ASTN2: variants seen among roughly 807,000 people sequenced by gnomAD.
The protein encoded by ASTN2 is astrotactin 2.
A neutral mutation model predicts 139.8 loss-of-function variants in ASTN2; 54 were observed. The observed-to-expected ratio is 0.39, with a 90% CI of 0.31 to 0.48. ASTN2 has a LOEUF of 0.48. Among genes scored for constraint, ASTN2 ranks in the 20% least tolerant of loss-of-function variants. The pLI, the probability that ASTN2 is intolerant of heterozygous loss-of-function variation, is 0.95. For missense variants in ASTN2, 1,565 were observed against 1,725.1 expected (o/e 0.91, Z 1.64); for synonymous variants, 756 against 719.5 (o/e 1.05, Z -0.81).
chr9:116,800,500 C>T (rs1830818853), intron 13 of ASTN2, among the ~76,000 whole-genome samples: 1 of 152,160 alleles, frequency 6.6e-6, no homozygotes. Context: ...ATGCAGTGAC[C>T]TGAAGAGGTA....
intron 13 of ASTN2, among the ~76,000 whole-genome samples, chr9:116,759,886 C>A (rs756937634): frequency 6.6e-6 from 1 of 152,082 alleles, no homozygotes; most frequent in Non-Finnish European, 1.5e-5. Context: ...CTGCTCAGCA[C>A]GTATTTATGA....
At chr9:117,039,014 A>G (rs1838474399) in intron 6 of ASTN2, among the ~76,000 whole-genome samples, 1 of 152,214 alleles carries the variant, frequency 6.6e-6, no homozygotes, top group Non-Finnish European at 1.5e-5. Flanking sequence ...AAACTCATAC[A>G]GTCTTCCTTG....
intron 17 of ASTN2, among the ~76,000 whole-genome samples, chr9:116,625,798 T>A (rs1856422044): frequency 6.6e-6 from 1 of 152,118 alleles, no homozygotes; most frequent in Non-Finnish European, 1.5e-5. Flanking sequence ...AAGTGCCCTT[T>A]TTCCACTTCT....
intron 16 of ASTN2, among the ~76,000 whole-genome samples, chr9:116,722,823 C>T (rs541902394): frequency 5.5e-4 from 84 of 152,266 alleles, no homozygotes; most frequent in African/African-American, 1.9e-3. Context: ...GTTAAAATGA[C>T]ACTTACAGGA....
chr9:117,237,818 A>T (rs1833089834), intron 2 of ASTN2, among the ~76,000 whole-genome samples: 1 of 152,162 alleles, frequency 6.6e-6, no homozygotes, highest in Non-Finnish European at 1.5e-5. Context: ...TGCCATGCTC[A>T]CAGTGTTTCA....
rs565913155 is a variant in ASTN2 at position 116,589,331 on chromosome 9, G to A, written c.3355+28993C>T. ...TGATCATGTAGACAACTTCAAAATG[G>A]AGTACAAACATTTACTTTGATGAAT... On this transcript the variant is annotated intron_variant, in intron 19 of 22. Transcript: ENST00000313400. Among the ~76,000 whole-genome samples the A allele has an allele frequency of 5.9e-5, 9 of 152,302 alleles. No individual in the cohort carries two copies. In the South Asian group the frequency reaches 1.9e-3, roughly 32 times the overall value.
chr9:116,533,077 T>G (rs187072895), intron 19 of ASTN2, among the ~76,000 whole-genome samples: 1 of 152,230 alleles, frequency 6.6e-6, no homozygotes, highest in African/African-American at 2.4e-5. Context: ...TTCCTTCACA[T>G]CCCTTGTAAG....
intron 3 of ASTN2, among the ~76,000 whole-genome samples, chr9:117,195,627 C>G (rs548016222): frequency 3.3e-5 from 5 of 152,094 alleles, no homozygotes; most frequent in Non-Finnish European, 5.9e-5. Context: ...TAGGCTAGAG[C>G]CTCATTGTGA....
intron 1 of ASTN2, among the ~76,000 whole-genome samples, chr9:117,326,162 TTC>T (rs1424377286): frequency 6.6e-6 from 1 of 152,070 alleles, no homozygotes; most frequent in Non-Finnish European, 1.5e-5. Context: ...CTTTGGAAAC[TTC>T]TCTGTTTTTT....
intron 22 of ASTN2, among the ~76,000 whole-genome samples, chr9:116,435,842 T>C (rs1033096007): frequency 1.3e-5 from 2 of 152,226 alleles, no homozygotes; most frequent in Non-Finnish European, 2.9e-5. Flanking sequence ...ATTGGATTTT[T>C]TGGAATGTTA....
At chr9:117,234,310 C>T (rs761627836) in intron 2 of ASTN2, among the ~76,000 whole-genome samples, 40 of 152,176 alleles carry the variant, frequency 2.6e-4, no homozygotes, top group African/African-American at 4.1e-4. Context: ...ACAATACAGA[C>T]GTGCTTGGCA....
chr9:116,708,428 A>C (rs768358704), intron 16 of ASTN2, among the ~76,000 whole-genome samples: 6 of 152,226 alleles, frequency 3.9e-5, no homozygotes, highest in Non-Finnish European at 5.9e-5. Context: ...AAAGGGATGC[A>C]GTATCCTTTT....
intron 10 of ASTN2, among the ~76,000 whole-genome samples, chr9:116,896,891 A>G (rs1160006397): frequency 6.6e-6 from 1 of 152,180 alleles, no homozygotes; most frequent in Non-Finnish European, 1.5e-5. Context: ...ACAATTCGAG[A>G]TGAGATTTGC....
At chr9:116,807,907 C>G (rs965150473) in intron 12 of ASTN2, among the ~76,000 whole-genome samples, 6 of 149,062 alleles carry the variant, frequency 4.0e-5, no homozygotes, top group Non-Finnish European at 8.9e-5. Context: ...GTCAGGCGTT[C>G]AAGACCAGCC....
At chr9:116,557,067 C>T (rs1852659884) in intron 19 of ASTN2, among the ~76,000 whole-genome samples, 1 of 151,366 alleles carries the variant, frequency 6.6e-6, no homozygotes, top group African/African-American at 2.4e-5. Context: ...TAAAAAAATA[C>T]AAAAATATTA....
chr9:116,525,042 C>A (rs1851032521), intron 19 of ASTN2, among the ~76,000 whole-genome samples: 1 of 152,124 alleles, frequency 6.6e-6, no homozygotes, highest in Non-Finnish European at 1.5e-5. Flanking sequence ...TTTGAAACTT[C>A]CTAGAGACTT....
At chr9:117,180,505 T>C in intron 3 of ASTN2, 1 of 607,914 alleles carries the variant, frequency 1.6e-6, no homozygotes. Flanking sequence ...CACATTTGAA[T>C]GCCATTTCCT....
At chr9:117,067,730 G>T (rs1827995312) in intron 5 of ASTN2, among the ~76,000 whole-genome samples, 1 of 103,862 alleles carries the variant, frequency 9.6e-6, no homozygotes, top group East Asian at 3.1e-4. Flanking sequence ...CACATCCCTT[G>T]TAAGTTGGAT....
At chr9:116,506,452 A>AT (rs1209271366) in intron 19 of ASTN2, among the ~76,000 whole-genome samples, 1 of 151,944 alleles carries the variant, frequency 6.6e-6, no homozygotes, top group Admixed American at 6.6e-5. Flanking sequence ...GTTATTTGGG[A>AT]TTTTACCTCT....
Sources: allele counts gnomAD v4.1 joint callset (sites outside exome capture counted in the v4.1 genomes callset), GRCh38; gene constraint gnomAD v4.1.1; transcripts MANE v1.5; gene names NCBI Gene and HGNC (gene_info 2026-07-23, HGNC 2026-07-21).